Variants in NTM observed in about 807,000 individuals in gnomAD.
NTM encodes neurotrimin, also known as IgLON family member 2.
In NTM, 13 loss-of-function variants were observed where a neutral mutation model predicts 42.1. The observed-to-expected ratio is 0.31, with a 90% CI of 0.20 to 0.49. NTM has a LOEUF of 0.49. NTM is among the 20% of genes least tolerant of loss of function. The pLI, the probability that NTM is intolerant of heterozygous loss-of-function variation, is 0.99. For missense variants in NTM, 373 were observed against 452.8 expected, an observed-to-expected ratio of 0.82 and a Z score of 1.60; for synonymous variants, 187 against 179.2, an observed-to-expected ratio of 1.04 and a Z score of -0.35.
intron 6 of NTM, 101 bp from the exon 7 acceptor site, chr11:132,314,451 A>AG (rs1162104002): frequency 9.2e-6 from 12 of 1,301,536 alleles, no homozygotes; most frequent in Admixed American, 5.1e-5. Context: ...GATGTCAGAA[A>AG]GGGGGGCAAG....
chr11:131,454,410 A>G (rs1950716291), intron 1 of NTM, among the ~76,000 whole-genome samples: 1 of 152,184 alleles, frequency 6.6e-6, no homozygotes, highest in Admixed American at 6.5e-5. Flanking sequence ...TAAAAACAAA[A>G]TATTTCCTTT....
intron 4 of NTM, among the ~76,000 whole-genome samples, chr11:132,290,705 C>G (rs913103105): frequency 6.6e-6 from 1 of 152,116 alleles, no homozygotes; most frequent in Non-Finnish European, 1.5e-5. Flanking sequence ...AGATAAATAA[C>G]CCATCCATTT....
chr11:132,085,824 G>A (rs954215301), intron 2 of NTM, among the ~76,000 whole-genome samples: 7 of 152,166 alleles, frequency 4.6e-5, no homozygotes, highest in South Asian at 2.1e-4. Context: ...GGTTAGGAAA[G>A]CATGCTGTTT....
chr11:131,822,262 C>A (rs115106733), intron 1 of NTM, among the ~76,000 whole-genome samples: 2,924 of 152,240 alleles, frequency 0.019, 87 homozygotes, highest in African/African-American at 0.066. Context: ...CTCATCCTTT[C>A]TTCTTCATTC....
intron 2 of NTM, among the ~76,000 whole-genome samples, chr11:132,143,291 C>T (rs2069589718): frequency 6.6e-6 from 1 of 152,184 alleles, no homozygotes; most frequent in Admixed American, 6.5e-5. Flanking sequence ...TGCAGCCTCC[C>T]AGGCCCTGCC....
At chr11:131,870,226 A>G (rs1316928617) in intron 1 of NTM, among the ~76,000 whole-genome samples, 2 of 152,228 alleles carry the variant, frequency 1.3e-5, no homozygotes, top group Non-Finnish European at 2.9e-5. Flanking sequence ...GGATTTAGAG[A>G]CAGCTGAAAT....
chr11:131,987,209 CT>C (rs2066205212), intron 2 of NTM, among the ~76,000 whole-genome samples: 1 of 152,160 alleles, frequency 6.6e-6, no homozygotes, highest in Non-Finnish European at 1.5e-5. Context: ...GTCTGTCTGG[CT>C]TTAGTACCTG....
chr11:131,444,624 A>G (rs1267320695), intron 1 of NTM, among the ~76,000 whole-genome samples: 1 of 152,172 alleles, frequency 6.6e-6, no homozygotes, highest in Non-Finnish European at 1.5e-5. Flanking sequence ...CTTTGCATGG[A>G]AGGTTCTTGA....
intron 1 of NTM, among the ~76,000 whole-genome samples, chr11:131,787,107 T>C (rs1219260701): frequency 2.0e-5 from 3 of 152,112 alleles, no homozygotes; most frequent in Non-Finnish European, 4.4e-5. Flanking sequence ...AACAGATTAC[T>C]CTTTAAAGTT....
chr11:131,429,584 G>A (rs975404266), intron 1 of NTM, among the ~76,000 whole-genome samples: 5 of 152,174 alleles, frequency 3.3e-5, no homozygotes, highest in Non-Finnish European at 7.3e-5. Context: ...ATCTCGCATA[G>A]GAGTGGGGAA....
At chr11:132,175,151 A>G (rs190350491) in intron 3 of NTM, among the ~76,000 whole-genome samples, 1 of 152,230 alleles carries the variant, frequency 6.6e-6, no homozygotes, top group Admixed American at 6.5e-5. Context: ...GAATGTGTAC[A>G]TGTAGGATTT....
At chr11:131,726,534 C>T (rs894489274) in intron 1 of NTM, among the ~76,000 whole-genome samples, 6 of 151,108 alleles carry the variant, frequency 4.0e-5, no homozygotes, top group African/African-American at 1.2e-4. Context: ...GGAGAGTGAT[C>T]GCACAGCACA....
At chr11:131,830,065 G>A (rs2042623867) in intron 1 of NTM, among the ~76,000 whole-genome samples, 1 of 152,054 alleles carries the variant, frequency 6.6e-6, no homozygotes, top group African/African-American at 2.4e-5. Flanking sequence ...AGTTTATTAT[G>A]CATTCTCCAT....
intron 1 of NTM, among the ~76,000 whole-genome samples, chr11:131,579,271 G>A (rs1027489518): frequency 1.3e-5 from 2 of 152,056 alleles, no homozygotes; most frequent in African/African-American, 4.8e-5. Flanking sequence ...AAAGAAGACA[G>A]AGAGAAAACA....
intron 4 of NTM, among the ~76,000 whole-genome samples, chr11:132,299,049 A>C (rs550914909): frequency 1.8e-4 from 27 of 152,340 alleles, no homozygotes; most frequent in Admixed American, 1.0e-3. Context: ...TAATCCCAGA[A>C]CTTTGGGAGG....
chr11:132,275,698 A>ATATG (rs2093679923), intron 4 of NTM, among the ~76,000 whole-genome samples: 1 of 142,370 alleles, frequency 7.0e-6, no homozygotes, highest in African/African-American at 2.6e-5. Flanking sequence ...TTTTATATAT[A>ATATG]TATGTATATA....
chr11:131,690,955 G>T (rs2074595948), intron 1 of NTM, among the ~76,000 whole-genome samples: 1 of 152,192 alleles, frequency 6.6e-6, no homozygotes, highest in South Asian at 2.1e-4. Flanking sequence ...GGAGGAGAAG[G>T]GGAAATCCTC....
At chr11:132,171,927 G>A (rs1290483610) in intron 3 of NTM, among the ~76,000 whole-genome samples, 1 of 152,110 alleles carries the variant, frequency 6.6e-6, no homozygotes, top group African/African-American at 2.4e-5. Context: ...CTCCTATGGT[G>A]GTCTCTTCAA....
intron 4 of NTM, among the ~76,000 whole-genome samples, chr11:132,302,453 C>T (rs1041458382): frequency 1.6e-4 from 24 of 152,120 alleles, no homozygotes; most frequent in African/African-American, 5.8e-4. Context: ...AATGATCATG[C>T]TAAGAACTAC....
Sources: gnomAD v4.1 joint callset for allele counts (sites outside exome capture counted in the v4.1 genomes callset) on GRCh38, gnomAD v4.1.1 for gene constraint, MANE v1.5 for transcripts, NCBI Gene and HGNC (gene_info 2026-07-23, HGNC 2026-07-21) for gene names.